The following PARL variants were observed in gnomAD, a reference collection of about 807,000 sequenced individuals.
The protein encoded by PARL is presenilin associated rhomboid like.
A neutral mutation model predicts 51.6 loss-of-function variants in PARL; 44 were observed. The ratio of observed to expected loss-of-function variants is 0.85; its 90% CI spans 0.67 to 1.10. PARL has a LOEUF of 1.10. Among genes scored for constraint, PARL ranks in the 50% least tolerant of loss-of-function variants. The pLI is 0.00. For missense variants in PARL, 441 were observed against 469.5 expected, an observed-to-expected ratio of 0.94 and a Z score of 0.56; for synonymous variants, 172 against 164.0, an observed-to-expected ratio of 1.05 and a Z score of -0.37.
chr3:183,836,746 C>T (rs1286914045), intron 7 of PARL, among the ~76,000 whole-genome samples: 1 of 152,040 alleles, frequency 6.6e-6, no homozygotes, highest in Non-Finnish European at 1.5e-5. Flanking sequence ...TTACTTATTT[C>T]ATAAACATAT....
chr3:183,855,644 A>T (rs989328847), intron 4 of PARL, among the ~76,000 whole-genome samples: 4 of 152,200 alleles, frequency 2.6e-5, no homozygotes, highest in Non-Finnish European at 4.4e-5. Context: ...CATAATGTAG[A>T]ATCAGTGGGA....
rs777335452 is a variant in PARL at position 183,884,872 on chromosome 3, C to T, written c.-26G>A. 4 of 1,596,086 alleles carry T rather than the reference C, an allele frequency of 2.5e-6. No individual in the cohort carries two copies. The South Asian group carries it at 3.3e-5, about 13-fold the overall frequency. ...CTTCCCAACCTCTGCCCCACCATGG[C>T]CCGACCTTACCAACCCCAGCTGCGC... On this transcript the variant is annotated 5_prime_UTR_variant, in exon 1 of 10. Coordinates refer to ENST00000317096, the MANE Select transcript of PARL (RefSeq NM_018622.7).
At chr3:183,870,303 T>G (rs1456194961) in intron 1 of PARL, among the ~76,000 whole-genome samples, 2 of 142,694 alleles carry the variant, frequency 1.4e-5, no homozygotes, top group Non-Finnish European at 1.5e-5. Context: ...TAGAAGTCAT[T>G]TTGGAGTTAT....
chr3:183,833,973 T>A, intron 7 of PARL, 148 bp from the exon 8 acceptor site: 1 of 693,404 alleles, frequency 1.4e-6, no homozygotes, highest in Non-Finnish European at 2.7e-6. Context: ...CAGTTACTTA[T>A]GTCCCCAATA....
intron 1 of PARL, among the ~76,000 whole-genome samples, chr3:183,870,555 C>G (rs925076344): frequency 2.0e-5 from 3 of 152,054 alleles, no homozygotes; most frequent in Non-Finnish European, 4.4e-5. Flanking sequence ...TTAGCTCATC[C>G]CTTCTGGCCT....
intron 3 of PARL, among the ~76,000 whole-genome samples, chr3:183,865,724 G>T (rs909641427): frequency 2.6e-5 from 4 of 152,130 alleles, no homozygotes; most frequent in African/African-American, 7.2e-5. Context: ...AAAAAGGTTG[G>T]TGACTGCTGC....
chr3:183,833,937 AG>A, intron 7 of PARL, 112 bp from the exon 8 acceptor site: 1 of 753,050 alleles, frequency 1.3e-6, no homozygotes, highest in South Asian at 1.5e-5. Flanking sequence ...GCACATTTCT[AG>A]GTGAGCACAA....
chr3:183,844,451 G>A (rs566481995), intron 4 of PARL, 125 bp from the exon 5 acceptor site: 6 of 693,780 alleles, frequency 8.6e-6, no homozygotes, highest in Admixed American at 4.9e-5. Context: ...GGGGATAGGG[G>A]GTGAGCCAAA....
chr3:183,843,974 G>A (rs774873616), intron 5 of PARL, among the ~76,000 whole-genome samples: 4 of 152,166 alleles, frequency 2.6e-5, no homozygotes, highest in Non-Finnish European at 4.4e-5. Flanking sequence ...GGGAGGTGGA[G>A]GTTGTAGTGA....
intron 1 of PARL, chr3:183,883,615 T>C: frequency 1.0e-6 from 1 of 985,362 alleles, no homozygotes; most frequent in Middle Eastern, 5.2e-4. Context: ...CAATCTCAAA[T>C]GGGATTACCA....
chr3:183,856,494 T>C (rs1464573044), intron 4 of PARL: 1 of 152,264 alleles, frequency 6.6e-6, no homozygotes, highest in Non-Finnish European at 1.5e-5. Context: ...ACAGTGGCTA[T>C]CATTTCTTTT....
intron 5 of PARL, among the ~76,000 whole-genome samples, chr3:183,843,602 G>A (rs912604495): frequency 2.0e-5 from 3 of 152,256 alleles, no homozygotes; most frequent in South Asian, 2.1e-4. Context: ...AGGCTGAGGC[G>A]GGCGGATCAC....
At chr3:183,840,289 A>T (rs1241177109) in intron 7 of PARL, among the ~76,000 whole-genome samples, 1 of 152,186 alleles carries the variant, frequency 6.6e-6, no homozygotes, top group Non-Finnish European at 1.5e-5. Flanking sequence ...AGGATTGCAC[A>T]CTTACTGTTC....
intron 4 of PARL, among the ~76,000 whole-genome samples, chr3:183,862,313 C>T (rs774427611): frequency 3.3e-5 from 5 of 152,170 alleles, no homozygotes; most frequent in Non-Finnish European, 5.9e-5. Context: ...TGCTTACTAG[C>T]AGTTTGACTT....
intron 1 of PARL, among the ~76,000 whole-genome samples, chr3:183,881,443 C>T (rs1426430826): frequency 2.0e-5 from 3 of 152,168 alleles, no homozygotes; most frequent in South Asian, 2.1e-4. Flanking sequence ...TTTAAGAGTG[C>T]AACGGTAAAG....
At chr3:183,861,456 T>C (rs1017709366) in intron 4 of PARL, among the ~76,000 whole-genome samples, 1 of 152,134 alleles carries the variant, frequency 6.6e-6, no homozygotes, top group Non-Finnish European at 1.5e-5. Context: ...GCATTATCAA[T>C]GATAAAAACT....
At chr3:183,845,180 A>G (rs1262099289) in intron 4 of PARL, among the ~76,000 whole-genome samples, 1 of 152,146 alleles carries the variant, frequency 6.6e-6, no homozygotes, top group Non-Finnish European at 1.5e-5. Flanking sequence ...ACTGATTTCA[A>G]TAACATACTG....
Position 183,829,712 on chromosome 3 carries a change from G to A in PARL, c.1029-3C>T. ...CATGACCGTAAGTAACATACCATCT[G>A]GAGAAAAACAAACCAGGTCCGACAT... On this transcript the variant is annotated splice_region_variant and splice_polypyrimidine_tract_variant and intron_variant, in intron 9 of 9. Transcript: ENST00000317096. 6.2e-7 allele frequency: 1 copy of A among 1,612,608 alleles called. No individual in the cohort carries two copies. The highest frequency in any genetic ancestry group is 8.5e-7 in the Non-Finnish European group (1 of 1,178,666).
At chr3:183,874,055 C>T (rs1733513443) in intron 1 of PARL, among the ~76,000 whole-genome samples, 5 of 152,188 alleles carry the variant, frequency 3.3e-5, no homozygotes, top group Admixed American at 3.3e-4. Flanking sequence ...TCTTTTGGCA[C>T]CATTTTTCCA....
Sources: allele counts gnomAD v4.1 joint callset (sites outside exome capture counted in the v4.1 genomes callset), GRCh38; gene constraint gnomAD v4.1.1; transcripts MANE v1.5; gene names NCBI Gene and HGNC (gene_info 2026-07-23, HGNC 2026-07-21).